Variants in STAT5B observed in about 807,000 individuals in gnomAD.
STAT5B encodes the protein signal transducer and activator of transcription 5B.
Under a neutral mutation model 107.8 loss-of-function variants are expected in STAT5B, and 21 were observed. The ratio of observed to expected loss-of-function variants is 0.19; its 90% CI spans 0.14 to 0.28. STAT5B has a LOEUF of 0.28. Ranked by LOEUF, STAT5B falls within the 10% of genes least tolerant of loss-of-function variation. The pLI, the probability that STAT5B is intolerant of heterozygous loss-of-function variation, is 1.00. For missense variants in STAT5B, 565 were observed against 1,008.2 expected (o/e 0.56, Z 5.95); for synonymous variants, 325 against 401.7 (o/e 0.81, Z 2.28).
intron 13 of STAT5B, among the ~76,000 whole-genome samples, chr17:42,211,093 C>G (rs900025727): frequency 1.3e-5 from 2 of 151,676 alleles, no homozygotes; most frequent in Admixed American, 6.6e-5. Context: ...CCCGGCTACT[C>G]AGGAGGCTGA....
chr17:42,227,744 C>G lies in STAT5B; in HGVS notation c.129-59G>C, dbSNP rs1001630550. The G allele has an allele frequency of 1.2e-5, 19 of 1,560,320 alleles. No homozygotes were observed. The Admixed American group carries it at 2.5e-4, about 20-fold the overall frequency. ...ACATGCACGTGAGCCTGTATAAATACAGCCTCAACACATCCTACTTTTTCT... is the reference window on the plus strand; with the variant it reads ...ACATGCACGTGAGCCTGTATAAATAGAGCCTCAACACATCCTACTTTTTCT... On this transcript the variant is annotated intron_variant, in intron 2 of 18. Transcript: ENST00000293328.
chr17:42,224,484 C>G (rs540829590), intron 4 of STAT5B, among the ~76,000 whole-genome samples: 1 of 152,106 alleles, frequency 6.6e-6, no homozygotes, highest in South Asian at 2.1e-4. Flanking sequence ...GGACTACAGG[C>G]ATATGCCACC....
intron 5 of STAT5B, among the ~76,000 whole-genome samples, chr17:42,222,036 GTGTGTGTGTGCTGTGTGTC>G (rs1438279249): frequency 1.4e-5 from 2 of 142,668 alleles, no homozygotes; most frequent in Admixed American, 7.0e-5. Context: ...GTGTGGTGTG[GTGTGTGTGTGCTGTGTGTC>G]TGTGTGTGTG....
intron 5 of STAT5B, among the ~76,000 whole-genome samples, chr17:42,221,424 T>C (rs1297581504): frequency 2.0e-5 from 3 of 151,532 alleles, no homozygotes; most frequent in Admixed American, 6.6e-5. Context: ...GAGCCTTCCC[T>C]GGCAAAAGCA....
At chr17:42,267,200 C>T (rs1337805600) in intron 1 of STAT5B, among the ~76,000 whole-genome samples, 1 of 152,176 alleles carries the variant, frequency 6.6e-6, no homozygotes, top group Non-Finnish European at 1.5e-5. Flanking sequence ...GCAGTACATA[C>T]TTGATAATGA....
At chr17:42,283,671 C>T in the STAT5B span, among the ~76,000 whole-genome samples, 1 of 152,234 alleles carries the variant, frequency 6.6e-6, no homozygotes, top group Non-Finnish European at 1.5e-5. Flanking sequence ...GCGGCAGGAA[C>T]GGGCTTCACC....
chr17:42,268,846 A>G (rs1193123074), intron 1 of STAT5B: 2 of 152,246 alleles, frequency 1.3e-5, no homozygotes, highest in East Asian at 3.8e-4. Flanking sequence ...CATTATTTCT[A>G]ACAGAACATT....
intron 1 of STAT5B, chr17:42,234,546 C>G (rs2080342378): frequency 6.6e-6 from 1 of 152,148 alleles, no homozygotes; most frequent in Non-Finnish European, 1.5e-5. Flanking sequence ...GATACCAAAT[C>G]ATGATTTTTG....
intron 1 of STAT5B, among the ~76,000 whole-genome samples, chr17:42,235,639 A>G (rs1419081457): frequency 6.6e-6 from 1 of 151,946 alleles, no homozygotes; most frequent in African/African-American, 2.4e-5. Context: ...CGCCACGCCC[A>G]GCTAAGTTTT....
chr17:42,229,601 G>A (rs560278113), intron 2 of STAT5B, among the ~76,000 whole-genome samples: 25 of 151,602 alleles, frequency 1.6e-4, no homozygotes, highest in African/African-American at 5.6e-4. Flanking sequence ...GGCTGGGCCC[G>A]GTGGCTCAAG....
rs1304244377 is a variant in STAT5B, at chr17:42,200,677, A to T, written c.*1061T>A. 1.9e-5 allele frequency: 3 copies of T among 158,238 alleles called. No individual in the cohort carries two copies. Among genetic ancestry groups the T allele is most frequent in the Non-Finnish European group, 4.2e-5 (3 of 72,028 alleles). The allele number at this position is 158,238 out of a possible 1,614,324, so 9.8% of individuals were successfully genotyped here. ...CTGGGTTTGAATGACCCAGGGCCCA[A>T]TGCACAAGAGAGAATTTTGATGTCA... On this transcript the variant is annotated 3_prime_UTR_variant, in exon 19 of 19. Transcript: ENST00000293328.
chr17:42,217,360 T>G lies in STAT5B; in HGVS notation c.1257+17A>C. 6.2e-7 allele frequency: 1 copy of G among 1,614,214 alleles called. No individual in the cohort carries two copies. The highest frequency in any genetic ancestry group is 8.5e-7 in the Non-Finnish European group (1 of 1,180,038). ...AGACCAGGGAAAAATTCATTCTTCCTCTTCTTCCACCCTCACCATATTCCT... is the reference window on the plus strand; with the variant it reads ...AGACCAGGGAAAAATTCATTCTTCCGCTTCTTCCACCCTCACCATATTCCT... On this transcript the variant is annotated intron_variant, in intron 10 of 18. Coordinates refer to ENST00000293328, the MANE Select transcript of STAT5B (RefSeq NM_012448.4).
chr17:42,265,870 T>A (rs1480127661), intron 1 of STAT5B, among the ~76,000 whole-genome samples: 1 of 152,210 alleles, frequency 6.6e-6, no homozygotes, highest in Non-Finnish European at 1.5e-5. Context: ...GGGTGAACAC[T>A]GTTTCATATG....
chr17:42,223,321 C>A (rs2080245769), intron 5 of STAT5B, 61 bp downstream of exon 5: 1 of 1,612,386 alleles, frequency 6.2e-7, no homozygotes, highest in Non-Finnish European at 8.5e-7. Context: ...CCCACCAGAG[C>A]TGCTTTCCAG....
chr17:42,277,476 G>A (rs1452593503), upstream of STAT5B, among the ~76,000 whole-genome samples: 7 of 152,210 alleles, frequency 4.6e-5, no homozygotes, highest in Admixed American at 4.6e-4. Flanking sequence ...TTCACCTCCA[G>A]AATGACACCA....
intron 5 of STAT5B, 143 bp from the exon 6 acceptor site, chr17:42,219,985 G>A: frequency 7.1e-7 from 1 of 1,416,694 alleles, no homozygotes; most frequent in East Asian, 2.5e-5. Context: ...CTGACAGCCA[G>A]GGGGGCCAAG....
intron 3 of STAT5B, among the ~76,000 whole-genome samples, chr17:42,225,694 A>G (rs1339896143): frequency 6.6e-6 from 1 of 152,178 alleles, no homozygotes; most frequent in Non-Finnish European, 1.5e-5. Flanking sequence ...TACAAAAGAA[A>G]TGCTATGTAA....
intron 5 of STAT5B, among the ~76,000 whole-genome samples, chr17:42,223,107 C>T (rs549959849): frequency 1.3e-5 from 2 of 152,272 alleles, no homozygotes; most frequent in East Asian, 3.9e-4. Flanking sequence ...CTGTGAGCTC[C>T]TTCTCAAAAG....
chr17:42,220,155 G>T (rs141160577), intron 5 of STAT5B, among the ~76,000 whole-genome samples: 38 of 152,210 alleles, frequency 2.5e-4, no homozygotes, highest in East Asian at 1.4e-3. Flanking sequence ...TCTTCTCGCG[G>T]CCCAGCATGG....
Sources: allele counts gnomAD v4.1 joint callset (sites outside exome capture counted in the v4.1 genomes callset), GRCh38; gene constraint gnomAD v4.1.1; transcripts MANE v1.5; gene names NCBI Gene and HGNC (gene_info 2026-07-23, HGNC 2026-07-21).